The following DCAF8L2 variants were observed in gnomAD, a reference collection of about 807,000 sequenced individuals.
The protein encoded by DCAF8L2 is DDB1- and CUL4-associated factor 8-like protein 2.
For missense variants in DCAF8L2, 430 were observed against 490.7 expected (o/e 0.88, Z 1.17); for synonymous variants, 200 against 190.9 (o/e 1.05, Z -0.39).
the DCAF8L2 span, among the ~76,000 whole-genome samples, chrX:27,560,639 C>T: frequency 8.9e-6 from 1 of 112,217 alleles, no homozygotes; most frequent in African/African-American, 3.2e-5. Flanking sequence ...TTTACTCAGT[C>T]AGATTTGATG....
chrX:27,570,033 A>G, the DCAF8L2 span, among the ~76,000 whole-genome samples: 1 of 112,020 alleles, frequency 8.9e-6, no homozygotes, highest in Non-Finnish European at 1.9e-5. Context: ...CCTAAAATAT[A>G]TAAAGCCCCT....
the DCAF8L2 span, among the ~76,000 whole-genome samples, chrX:27,497,672 G>A: frequency 2.2e-3 from 243 of 110,078 alleles, 1 homozygote; most frequent in Non-Finnish European, 3.8e-3. Context: ...GGGTTCAAGC[G>A]ATTCTTCTGC....
chrX:27,720,372 A>T (rs59176642), intron 4 of DCAF8L2, among the ~76,000 whole-genome samples: 18,511 of 107,975 alleles, frequency 0.17, 1,603 homozygotes, highest in East Asian at 0.34. Flanking sequence ...TATTATTATT[A>T]TTATTTTTTT....
intron 1 of DCAF8L2, among the ~76,000 whole-genome samples, chrX:27,596,816 A>G (rs1407274689): frequency 9.0e-6 from 1 of 111,428 alleles, no homozygotes; most frequent in Non-Finnish European, 1.9e-5. Context: ...CAATTGGGAT[A>G]TGTCTCTTAT....
the DCAF8L2 span, among the ~76,000 whole-genome samples, chrX:27,484,828 G>T: frequency 2.7e-5 from 3 of 111,272 alleles, no homozygotes. Context: ...ATACAAGGCG[G>T]CAGGGGAGAA....
At chrX:27,512,988 T>C in the DCAF8L2 span, among the ~76,000 whole-genome samples, 2 of 110,446 alleles carry the variant, frequency 1.8e-5, no homozygotes, top group Non-Finnish European at 3.8e-5. Context: ...ATAACAGACA[T>C]GGAGGAAAAG....
At chrX:27,473,141 A>G in the DCAF8L2 span, among the ~76,000 whole-genome samples, 4 of 112,188 alleles carry the variant, frequency 3.6e-5, no homozygotes, top group East Asian at 8.4e-4. Context: ...CACTCACACA[A>G]TATCACTTCT....
At chrX:27,745,331 G>A (rs1291636043) in intron 4 of DCAF8L2, among the ~76,000 whole-genome samples, 1 of 111,841 alleles carries the variant, frequency 8.9e-6, no homozygotes, top group Non-Finnish European at 1.9e-5. Context: ...CTTTTTAAAT[G>A]ATGTTATTTT....
At chrX:27,548,588 G>A in the DCAF8L2 span, among the ~76,000 whole-genome samples, 2 of 111,876 alleles carry the variant, frequency 1.8e-5, no homozygotes, top group South Asian at 7.5e-4. Context: ...ATCGGTACAC[G>A]AGGTGTGGGG....
At chrX:27,587,253 A>G (rs1925920615), upstream of DCAF8L2, among the ~76,000 whole-genome samples, 1 of 112,018 alleles carries the variant, frequency 8.9e-6, no homozygotes, top group Non-Finnish European at 1.9e-5. Flanking sequence ...AAAAGTGTCA[A>G]TAAAAGAACC....
chrX:27,587,985 A>AATATAT (rs202098791), upstream of DCAF8L2, among the ~76,000 whole-genome samples: 31 of 22,346 alleles, frequency 1.4e-3, no homozygotes, highest in Non-Finnish European at 2.5e-3. Context: ...TAAAAAAAAA[A>AATATAT]ATATATATAT....
chrX:27,656,559 G>A (rs887425672), intron 2 of DCAF8L2, among the ~76,000 whole-genome samples: 3 of 111,604 alleles, frequency 2.7e-5, no homozygotes, highest in African/African-American at 9.8e-5. Context: ...GGGCTTCATG[G>A]GTGCTGCCTA....
At chrX:27,644,250 C>T (rs1157645436) in intron 2 of DCAF8L2, among the ~76,000 whole-genome samples, 2 of 112,278 alleles carry the variant, frequency 1.8e-5, no homozygotes, top group Admixed American at 9.4e-5. Context: ...CACATATACA[C>T]ACATACACGT....
the DCAF8L2 span, among the ~76,000 whole-genome samples, chrX:27,574,638 A>C: frequency 8.9e-6 from 1 of 112,173 alleles, no homozygotes; most frequent in East Asian, 2.8e-4. Flanking sequence ...GGCTTCCAAG[A>C]AAACTTCTAT....
At chrX:27,518,947 C>A in the DCAF8L2 span, 1 of 586,877 alleles carries the variant, frequency 1.7e-6, no homozygotes, top group Admixed American at 2.3e-5. Flanking sequence ...CAAAAAGGCA[C>A]CTGATTTTGT....
chrX:27,486,099 A>T, the DCAF8L2 span, among the ~76,000 whole-genome samples: 2 of 106,561 alleles, frequency 1.9e-5, no homozygotes, highest in South Asian at 8.6e-4. Context: ...TCCACCTCCC[A>T]GGTTCAAGCA....
At chrX:27,521,894 T>C in the DCAF8L2 span, among the ~76,000 whole-genome samples, 92 of 112,432 alleles carry the variant, frequency 8.2e-4, 1 homozygote, top group African/African-American at 2.6e-3. Flanking sequence ...TGCAAGATAA[T>C]AGATTTCAAG....
At chrX:27,564,501 CTCTT>C in the DCAF8L2 span, among the ~76,000 whole-genome samples, 1 of 98,839 alleles carries the variant, frequency 1.0e-5, no homozygotes, top group African/African-American at 3.7e-5. Flanking sequence ...TGCACGTGCT[CTCTT>C]TCTCTCTTAC....
intron 2 of DCAF8L2, among the ~76,000 whole-genome samples, chrX:27,670,502 C>T (rs1274133849): frequency 9.0e-6 from 1 of 111,561 alleles, no homozygotes; most frequent in Non-Finnish European, 1.9e-5. Flanking sequence ...TTTGAGCTTA[C>T]ATCCTTTTAG....
Sources: gnomAD v4.1 joint callset for allele counts (sites outside exome capture counted in the v4.1 genomes callset) on GRCh38, gnomAD v4.1.1 for gene constraint, MANE v1.5 for transcripts, NCBI Gene and HGNC (gene_info 2026-07-23, HGNC 2026-07-21) for gene names.